Variants in COL4A4 observed in about 807,000 individuals in gnomAD.
The protein encoded by COL4A4 is collagen alpha-4(IV) chain.
A neutral mutation model predicts 192.9 loss-of-function variants in COL4A4; 105 were observed. The ratio of observed to expected loss-of-function variants is 0.54; its 90% CI spans 0.46 to 0.64. The LOEUF (loss-of-function observed/expected upper bound fraction) is 0.64, where lower values mean the gene tolerates loss of function less well. Among genes scored for constraint, COL4A4 ranks in the 30% least tolerant of loss-of-function variants. The pLI is 0.00. For missense variants in COL4A4, 1,967 were observed against 2,169.3 expected (o/e 0.91, Z 1.85); for synonymous variants, 762 against 769.9 (o/e 0.99, Z 0.17).
intron 35 of COL4A4, among the ~76,000 whole-genome samples, chr2:227,046,033 T>TACATATAC (rs1972736261): frequency 2.2e-5 from 3 of 136,962 alleles, no homozygotes; most frequent in Non-Finnish European, 4.6e-5. Flanking sequence ...TATATATGTA[T>TACATATAC]ACATATATAC....
At chr2:227,141,131 T>G (rs191309683) in intron 3 of COL4A4, among the ~76,000 whole-genome samples, 187 of 152,286 alleles carry the variant, frequency 1.2e-3, no homozygotes, top group African/African-American at 3.6e-3. Flanking sequence ...GAGTGGTGGT[T>G]TAGGCCCCTG....
intron 12 of COL4A4, among the ~76,000 whole-genome samples, chr2:227,105,105 T>C (rs1232457390): frequency 3.3e-5 from 5 of 151,534 alleles, no homozygotes; most frequent in African/African-American, 1.2e-4. Flanking sequence ...GCATATTTTA[T>C]TAAATTTTTA....
At chr2:227,134,629 C>A (rs2062693820) in intron 4 of COL4A4, among the ~76,000 whole-genome samples, 1 of 152,216 alleles carries the variant, frequency 6.6e-6, no homozygotes, top group Non-Finnish European at 1.5e-5. Context: ...TAAACTTTCC[C>A]AAGTAAATTC....
At chr2:227,072,359 T>C (rs897199009) in intron 25 of COL4A4, among the ~76,000 whole-genome samples, 2 of 151,186 alleles carry the variant, frequency 1.3e-5, no homozygotes, top group African/African-American at 2.4e-5. Flanking sequence ...CAGGAAGAAA[T>C]AGAAACCTCA....
rs754086956 is a variant in COL4A4, at chr2:227,089,711, G to A, written c.1459+157C>T. ...TAAGACACAAGGCTTTGACTTTTCA[G>A]TGACTTGTAATCACATAGCACTTAA... On this transcript the variant is annotated intron_variant, in intron 21 of 47. Coordinates refer to ENST00000396625, the MANE Select transcript of COL4A4 (RefSeq NM_000092.5). Among the ~76,000 whole-genome samples the A allele has an allele frequency of 4.6e-4, 69 of 151,282 alleles. 1 individual carries two copies. The highest frequency in any genetic ancestry group is 7.5e-4 in the Non-Finnish European group (51 of 67,900).
chr2:227,138,976 CA>C (rs2063011259), intron 4 of COL4A4, among the ~76,000 whole-genome samples: 1 of 152,162 alleles, frequency 6.6e-6, no homozygotes, highest in Non-Finnish European at 1.5e-5. Context: ...TTGTGGCCCC[CA>C]AAATTTATAT....
intron 44 of COL4A4, among the ~76,000 whole-genome samples, chr2:227,013,157 A>C (rs1423008692): frequency 6.6e-6 from 1 of 152,186 alleles, no homozygotes; most frequent in Non-Finnish European, 1.5e-5. Flanking sequence ...CCCTTCGGTC[A>C]GGGGAGCAGA....
At chr2:227,140,875 T>TCACACACACACA (rs71036159) in intron 3 of COL4A4, among the ~76,000 whole-genome samples, 15 of 139,752 alleles carry the variant, frequency 1.1e-4, no homozygotes, top group Non-Finnish European at 2.3e-4. Flanking sequence ...CTTTAGAGCA[T>TCACACACACACA]CACACACACA....
Position 227,094,159 on chromosome 2 carries a change from T to C in COL4A4, c.1335A>G (p.Gly445=). The C allele has an allele frequency of 6.2e-7, 1 of 1,613,658 alleles. No homozygotes were observed. The highest frequency in any genetic ancestry group is 8.5e-7 in the Non-Finnish European group (1 of 1,179,764). ...PGKPGSPGLP[G]APGLQGLPGS... ...CTGGGAGGCCCTGCAGGCCTGGTGC[T>C]CCAGGCAAGCCAGGTGATCCTGGCT... The change falls in exon 20 of 48, where the codon GGA becomes GGG. Residue 445 remains glycine (G), a synonymous_variant. Coordinates refer to ENST00000396625, the MANE Select transcript of COL4A4 (RefSeq NM_000092.5).
intron 1 of COL4A4, among the ~76,000 whole-genome samples, chr2:227,151,720 G>A (rs1285251135): frequency 1.3e-5 from 2 of 152,212 alleles, no homozygotes; most frequent in East Asian, 3.8e-4. Context: ...ATTAGGTCAT[G>A]AGGATTGAGC....
chr2:227,102,205 C>CT (rs1428928282), intron 15 of COL4A4, among the ~76,000 whole-genome samples: 1 of 152,208 alleles, frequency 6.6e-6, no homozygotes, highest in Non-Finnish European at 1.5e-5. Context: ...AGTGCTTGCA[C>CT]TGGGCCAAAT....
chr2:227,038,761 A>G (rs942859053), intron 37 of COL4A4, among the ~76,000 whole-genome samples: 5 of 152,254 alleles, frequency 3.3e-5, no homozygotes, highest in African/African-American at 9.6e-5. Flanking sequence ...CAAGATAATC[A>G]GTCCCCTTGA....
chr2:227,105,041 G>T (rs1388850813), intron 12 of COL4A4, among the ~76,000 whole-genome samples: 1 of 151,654 alleles, frequency 6.6e-6, no homozygotes, highest in Non-Finnish European at 1.5e-5. Context: ...TTATGTTTAT[G>T]AAAATATAAT....
At chr2:227,071,387 T>G (rs1309912377) in intron 25 of COL4A4, among the ~76,000 whole-genome samples, 1 of 152,082 alleles carries the variant, frequency 6.6e-6, no homozygotes, top group Non-Finnish European at 1.5e-5. Context: ...ACTGGAGCTT[T>G]TAGATTCAAA....
In COL4A4 at chr2:227,032,285, G is replaced by T; in HGVS notation, c.3578-9C>A. 1 of 1,611,572 alleles carries T rather than the reference G, an allele frequency of 6.2e-7. No individual in the cohort carries two copies. Among genetic ancestry groups the T allele is most frequent in the Non-Finnish European group, 8.5e-7 (1 of 1,178,698 alleles). Reference sequence around the variant, plus strand: ...CCCCACATCATGCAAACCTTAATGGGGAAAACAGAATTAATACTATATCTT... The same window carrying T: ...CCCCACATCATGCAAACCTTAATGGTGAAAACAGAATTAATACTATATCTT... On this transcript the variant is annotated splice_polypyrimidine_tract_variant and intron_variant, in intron 38 of 47. Transcript: ENST00000396625.
At chr2:227,125,269 G>A (rs907712270) in intron 4 of COL4A4, among the ~76,000 whole-genome samples, 6 of 151,536 alleles carry the variant, frequency 4.0e-5, no homozygotes, top group East Asian at 1.9e-4. Context: ...GTGCAGTGGT[G>A]TGATCTCAGC....
the COL4A4 span, chr2:226,996,724 C>T: frequency 1.3e-5 from 2 of 152,148 alleles, no homozygotes; most frequent in East Asian, 3.8e-4. Context: ...GAGTGGAGTA[C>T]ATGGGATTTT....
chr2:227,121,183 A>G (rs941599428), intron 4 of COL4A4, 35 bp from the exon 5 acceptor site: 4 of 1,609,880 alleles, frequency 2.5e-6, no homozygotes, highest in South Asian at 1.1e-5. Context: ...TGGGGGTGCA[A>G]TTCTTAATTA....
At position 227,098,732 on chromosome 2, in the gene COL4A4, G is replaced by T. The variant is rs1444625451; in HGVS notation, c.1166C>A (p.Pro389His). 6.2e-7 allele frequency: 1 copy of T among 1,614,098 alleles called. No homozygotes were observed. The highest frequency in any genetic ancestry group is 8.5e-7 in the Non-Finnish European group (1 of 1,180,004). Reference protein sequence around the residue: ...GETGDVGPPGPPGLLGRPGEA... With the variant: ...GETGDVGPPGHPGLLGRPGEA... Reference sequence around the variant, plus strand: ...CCCTGGTCTGCCCAAGAGACCTGGGGGACCAGGTGGTCCAACATCCCCTGT... The same window carrying T: ...CCCTGGTCTGCCCAAGAGACCTGGGTGACCAGGTGGTCCAACATCCCCTGT... The change falls in exon 19 of 48, where the codon CCC becomes CAC. Residue 389 changes from proline (P) to histidine (H), a missense_variant. Transcript: ENST00000396625.
Sources: allele counts gnomAD v4.1 joint callset (sites outside exome capture counted in the v4.1 genomes callset), GRCh38; gene constraint gnomAD v4.1.1; transcripts MANE v1.5; gene names NCBI Gene and HGNC (gene_info 2026-07-23, HGNC 2026-07-21).